EGLN3: variants seen among roughly 807,000 people sequenced by gnomAD.
The protein encoded by EGLN3 is egl-9 family hypoxia inducible factor 3, also known as prolyl hydroxylase EGLN3.
EGLN3 carries 15 observed loss-of-function variants against 26.0 expected under a neutral mutation model. The ratio of observed to expected loss-of-function variants is 0.58; its 90% CI spans 0.39 to 0.89. The LOEUF (loss-of-function observed/expected upper bound fraction) is 0.89. Ranked by LOEUF, EGLN3 falls within the 40% of genes least tolerant of loss-of-function variation. EGLN3 has a pLI of 0.00. For missense variants in EGLN3, 238 were observed against 311.6 expected (o/e 0.76, Z 1.78); for synonymous variants, 147 against 127.2 (o/e 1.16, Z -1.05).
At chr14:33,949,312 A>C (rs1193770783) in intron 1 of EGLN3, 4 of 152,214 alleles carry the variant, frequency 2.6e-5, no homozygotes, top group African/African-American at 9.7e-5. Flanking sequence ...GTCTGTTCTG[A>C]GACAGGATCA....
chr14:33,941,303 A>G (rs2064481345), intron 1 of EGLN3, among the ~76,000 whole-genome samples: 1 of 152,076 alleles, frequency 6.6e-6, no homozygotes, highest in Non-Finnish European at 1.5e-5. Flanking sequence ...TGGGGCCCTA[A>G]GCCTCGTGGC....
intron 1 of EGLN3, among the ~76,000 whole-genome samples, chr14:33,947,309 G>T (rs534944867): frequency 6.6e-6 from 1 of 152,282 alleles, no homozygotes; most frequent in Admixed American, 6.5e-5. Flanking sequence ...GGGCCATACA[G>T]CTGTACATTA....
rs139383971 is a variant in EGLN3 at position 33,928,113 on chromosome 14, G to A, written c.614+963C>T. ...GATTGGGGAATAACCAAAGACTTCT[G>A]CCACAAACAACAGGGTTTAGTTACA... On this transcript the variant is annotated intron_variant, in intron 3 of 4. Transcript: ENST00000250457. Among the ~76,000 whole-genome samples, 33 of 152,130 alleles carry A rather than the reference G, an allele frequency of 2.2e-4. No individual in the cohort carries two copies. In the East Asian group the frequency reaches 6.4e-3, roughly 29 times the overall value.
intron 1 of EGLN3, chr14:33,948,443 G>A (rs2064532828): frequency 2.0e-5 from 3 of 152,216 alleles, no homozygotes; most frequent in African/African-American, 7.2e-5. Context: ...GGAGCTTTGT[G>A]ACAAACCAGC....
chr14:33,933,613 T>C (rs1442895585), intron 1 of EGLN3, among the ~76,000 whole-genome samples: 1 of 152,164 alleles, frequency 6.6e-6, no homozygotes, highest in Non-Finnish European at 1.5e-5. Context: ...GCCAATTTTA[T>C]CAGTGTGTTT....
intron 1 of EGLN3, among the ~76,000 whole-genome samples, chr14:33,948,074 T>C (rs1229082696): frequency 6.6e-6 from 1 of 152,144 alleles, no homozygotes; most frequent in Non-Finnish European, 1.5e-5. Flanking sequence ...TTAGTTTTTC[T>C]TGAAAACACG....
intron 1 of EGLN3, among the ~76,000 whole-genome samples, chr14:33,943,246 C>G (rs1379960835): frequency 2.0e-5 from 3 of 152,220 alleles, no homozygotes; most frequent in Non-Finnish European, 4.4e-5. Flanking sequence ...CGGCTCCTGG[C>G]AATCTGCCAA....
At chr14:33,938,729 C>T (rs1245440445) in intron 1 of EGLN3, among the ~76,000 whole-genome samples, 1 of 152,236 alleles carries the variant, frequency 6.6e-6, no homozygotes, top group Non-Finnish European at 1.5e-5. Flanking sequence ...CAAATATTAA[C>T]AGCTGCTGTT....
At chr14:33,949,212 C>T (rs1323066797) in intron 1 of EGLN3, 1 of 152,326 alleles carries the variant, frequency 6.6e-6, no homozygotes. Flanking sequence ...TCCACCTCCA[C>T]CCCTTCACTC....
intron 3 of EGLN3, among the ~76,000 whole-genome samples, chr14:33,928,558 G>C (rs919029986): frequency 1.3e-5 from 2 of 152,172 alleles, no homozygotes; most frequent in Non-Finnish European, 2.9e-5. Context: ...ACATCCAACT[G>C]TTGGACCATG....
intron 1 of EGLN3, among the ~76,000 whole-genome samples, chr14:33,939,219 T>TTC (rs1051942526): frequency 2.0e-5 from 3 of 152,216 alleles, no homozygotes; most frequent in Non-Finnish European, 4.4e-5. Flanking sequence ...TTTTTTTTTT[T>TTC]TTCTTTTTTG....
chr14:33,933,503 A>G (rs531214838), intron 1 of EGLN3, among the ~76,000 whole-genome samples: 1 of 152,182 alleles, frequency 6.6e-6, no homozygotes, highest in Admixed American at 6.5e-5. Context: ...CAGAGTGAAC[A>G]TTCACCCTCT....
At chr14:33,928,104 A>G (rs897994173) in intron 3 of EGLN3, among the ~76,000 whole-genome samples, 2 of 152,142 alleles carry the variant, frequency 1.3e-5, no homozygotes, top group Admixed American at 1.3e-4. Flanking sequence ...GGAATAACCA[A>G]AGACTTCTGC....
chr14:33,939,517 T>TCAC (rs968011447), intron 1 of EGLN3, among the ~76,000 whole-genome samples: 77 of 151,672 alleles, frequency 5.1e-4, no homozygotes, highest in African/African-American at 1.9e-3. Flanking sequence ...GCCGAAACAA[T>TCAC]CTTAAAACAG....
At chr14:33,940,680 TG>T (rs2064476375) in intron 1 of EGLN3, among the ~76,000 whole-genome samples, 1 of 151,990 alleles carries the variant, frequency 6.6e-6, no homozygotes, top group South Asian at 2.1e-4. Flanking sequence ...AGCCCTTATA[TG>T]GCAAAGTCGA....
At chr14:33,940,910 C>G (rs947997436) in intron 1 of EGLN3, among the ~76,000 whole-genome samples, 1 of 152,120 alleles carries the variant, frequency 6.6e-6, no homozygotes, top group African/African-American at 2.4e-5. Flanking sequence ...TGGGCTCTGC[C>G]TCTGAGGATT....
At chr14:33,945,484 T>C (rs1179192098) in intron 1 of EGLN3, among the ~76,000 whole-genome samples, 2 of 152,192 alleles carry the variant, frequency 1.3e-5, no homozygotes, top group African/African-American at 4.8e-5. Context: ...GATCCAGGAA[T>C]GTTACTGAAG....
At chr14:33,931,270 C>T in intron 1 of EGLN3, 55 bp from the exon 2 acceptor site, 1 of 1,611,892 alleles carries the variant, frequency 6.2e-7, no homozygotes, top group Non-Finnish European at 8.5e-7. Context: ...ACAATCTTCT[C>T]CTCCCACTGG....
At chr14:33,933,659 G>A (rs2064419973) in intron 1 of EGLN3, among the ~76,000 whole-genome samples, 1 of 152,074 alleles carries the variant, frequency 6.6e-6, no homozygotes, top group African/African-American at 2.4e-5. Context: ...GTCTTTGCTT[G>A]GGCACATTCC....
Sources: gnomAD v4.1 joint callset for allele counts (sites outside exome capture counted in the v4.1 genomes callset) on GRCh38, gnomAD v4.1.1 for gene constraint, MANE v1.5 for transcripts, NCBI Gene and HGNC (gene_info 2026-07-23, HGNC 2026-07-21) for gene names.